Variants in TRAM2 observed in about 807,000 individuals in gnomAD.
TRAM2 encodes the protein translocating chain-associated membrane protein 2.
In TRAM2, 12 loss-of-function variants were observed where a neutral mutation model predicts 51.0. The ratio of observed to expected loss-of-function variants is 0.24; its 90% confidence interval spans 0.15 to 0.38. The LOEUF is 0.38. TRAM2 is among the 10% of genes least tolerant of loss of function. TRAM2 has a pLI of 1.00. For missense variants in TRAM2, 361 were observed against 462.0 expected, an observed-to-expected ratio of 0.78 and a Z score of 2.00; for synonymous variants, 175 against 179.4, an observed-to-expected ratio of 0.98 and a Z score of 0.20.
chr6:52,514,583 T>C (rs1766509897), intron 4 of TRAM2, among the ~76,000 whole-genome samples: 1 of 152,240 alleles, frequency 6.6e-6, no homozygotes, highest in African/African-American at 2.4e-5. Flanking sequence ...GACAGAGCTG[T>C]TGAGCATTTC....
At chr6:52,543,698 C>T (rs937501851) in intron 1 of TRAM2, among the ~76,000 whole-genome samples, 7 of 152,074 alleles carry the variant, frequency 4.6e-5, no homozygotes, top group African/African-American at 7.2e-5. Flanking sequence ...GTTTTCGCTC[C>T]GTAAGACAGA....
rs1766200520 is a variant in TRAM2 at position 52,500,585 on chromosome 6, C to CAG, written c.*2610_*2611dup. The stretch of plus-strand genomic sequence containing the variant: ...CTTAGCACACCCGTCCACTGGGAAG[C>CAG]AGAGCCTAAGCTGACCCCGGCCACT... On this transcript the variant is annotated 3_prime_UTR_variant, in exon 11 of 11. Coordinates refer to ENST00000182527, the MANE Select transcript of TRAM2 (RefSeq NM_012288.4). The CAG allele has an allele frequency of 6.6e-6, 1 of 150,692 alleles. No individual in the cohort carries two copies. The highest frequency in any genetic ancestry group is 1.5e-5 in the Non-Finnish European group (1 of 67,876). 9.3% of individuals were successfully genotyped at this position (150,692 alleles called of 1,614,324 possible). A position where few individuals can be genotyped will look rare whatever the true frequency, so the allele number is the denominator to read the frequency against.
intron 2 of TRAM2, among the ~76,000 whole-genome samples, chr6:52,531,635 C>T (rs1477055949): frequency 1.3e-5 from 2 of 152,188 alleles, no homozygotes; most frequent in Non-Finnish European, 2.9e-5. Flanking sequence ...GTGTCTGCGC[C>T]CTCACTTGAG....
chr6:52,515,222 G>C (rs1050801291), intron 4 of TRAM2, among the ~76,000 whole-genome samples: 1 of 152,196 alleles, frequency 6.6e-6, no homozygotes, highest in Non-Finnish European at 1.5e-5. Context: ...GGATTTCTCA[G>C]GGGGCCAGGT....
chr6:52,539,997 G>A (rs1184778267), intron 1 of TRAM2, among the ~76,000 whole-genome samples: 1 of 151,362 alleles, frequency 6.6e-6, no homozygotes, highest in Non-Finnish European at 1.5e-5. Context: ...CAGGATCTAC[G>A]GCCATAATCA....
intron 1 of TRAM2, among the ~76,000 whole-genome samples, chr6:52,566,802 A>G (rs1208956633): frequency 6.6e-6 from 1 of 152,030 alleles, no homozygotes; most frequent in Non-Finnish European, 1.5e-5. Flanking sequence ...ATCTATCCCT[A>G]TTCTGAGCTA....
intron 1 of TRAM2, among the ~76,000 whole-genome samples, chr6:52,574,097 TC>T (rs754496508): frequency 7.9e-5 from 12 of 151,806 alleles, no homozygotes; most frequent in Non-Finnish European, 1.3e-4. Flanking sequence ...GGGTGGTGAG[TC>T]CCCAGTTGCA....
intron 2 of TRAM2, among the ~76,000 whole-genome samples, chr6:52,519,493 A>G (rs529344771): frequency 3.9e-5 from 6 of 152,314 alleles, no homozygotes; most frequent in African/African-American, 1.2e-4. Context: ...CAGAAAAACA[A>G]CAAGTATTGG....
chr6:52,540,964 T>A (rs1441175270), intron 1 of TRAM2, among the ~76,000 whole-genome samples: 1 of 152,208 alleles, frequency 6.6e-6, no homozygotes, highest in South Asian at 2.1e-4. Context: ...AATTTTTAAC[T>A]AAAACAGGGC....
intron 2 of TRAM2, among the ~76,000 whole-genome samples, chr6:52,527,419 C>T (rs1185349517): frequency 6.7e-6 from 1 of 150,184 alleles, no homozygotes; most frequent in African/African-American, 2.5e-5. Flanking sequence ...AAAAATTATC[C>T]TACCTAGGTA....
At chr6:52,563,851 ATTT>A (rs11405487) in intron 1 of TRAM2, among the ~76,000 whole-genome samples, 5 of 137,092 alleles carry the variant, frequency 3.6e-5, no homozygotes, top group Non-Finnish European at 4.7e-5. Context: ...AAAAACACTT[ATTT>A]TTTTTTTTTT....
At chr6:52,537,078 G>A (rs1426777553) in intron 1 of TRAM2, among the ~76,000 whole-genome samples, 2 of 152,126 alleles carry the variant, frequency 1.3e-5, no homozygotes, top group African/African-American at 2.4e-5. Context: ...CCTTTAAAGA[G>A]CAAATCTCCC....
chr6:52,554,168 G>T (rs886532899), intron 1 of TRAM2, among the ~76,000 whole-genome samples: 1 of 152,050 alleles, frequency 6.6e-6, no homozygotes, highest in Non-Finnish European at 1.5e-5. Context: ...TGTCCCCACC[G>T]CCTGTTTGCT....
intron 10 of TRAM2, among the ~76,000 whole-genome samples, chr6:52,504,286 G>T (rs1195342723): frequency 6.6e-6 from 1 of 152,204 alleles, no homozygotes; most frequent in Non-Finnish European, 1.5e-5. Context: ...CTTGGCTGGG[G>T]TCCAGAAGCC....
intron 2 of TRAM2, among the ~76,000 whole-genome samples, chr6:52,528,177 G>GC (rs1300322720): frequency 1.3e-5 from 2 of 152,058 alleles, no homozygotes. Context: ...GAGCACCCCA[G>GC]CCCCTCCTTG....
At chr6:52,512,447 C>T (rs535652926) in intron 4 of TRAM2, among the ~76,000 whole-genome samples, 1 of 152,268 alleles carries the variant, frequency 6.6e-6, no homozygotes, top group South Asian at 2.1e-4. Flanking sequence ...CTGAGAACAG[C>T]CTTTTCCAGA....
intron 1 of TRAM2, among the ~76,000 whole-genome samples, chr6:52,553,353 T>C (rs1339933367): frequency 6.6e-6 from 1 of 152,250 alleles, no homozygotes; most frequent in East Asian, 1.9e-4. Context: ...TGACAAGTCC[T>C]GCAATAAAGA....
rs1427858657 is a variant in TRAM2 at position 52,504,774 on chromosome 6, G to A, written c.876-20C>T. ...CAGAGCCTGCAGAGCAGGGGGTTAG[G>A]GGCTTAGGCTGGGGCTTGGGCTCAC... On this transcript the variant is annotated intron_variant, in intron 9 of 10. Transcript: ENST00000182527. The A allele has an allele frequency of 2.5e-6, 4 of 1,582,560 alleles. No individual in the cohort carries two copies. The highest frequency in any genetic ancestry group is 2.3e-5 in the East Asian group (1 of 43,878).
At chr6:52,575,627 A>T (rs776607072) in intron 1 of TRAM2, among the ~76,000 whole-genome samples, 7 of 152,194 alleles carry the variant, frequency 4.6e-5, no homozygotes, top group Non-Finnish European at 1.0e-4. Flanking sequence ...AGATACAGGG[A>T]ACCCGAGACA....
Sources: allele counts gnomAD v4.1 joint callset (sites outside exome capture counted in the v4.1 genomes callset), GRCh38; gene constraint gnomAD v4.1.1; transcripts MANE v1.5; gene names NCBI Gene and HGNC (gene_info 2026-07-23, HGNC 2026-07-21).